The following MAP7D3 variants were observed in gnomAD, a reference collection of about 807,000 sequenced individuals.
MAP7D3 encodes MAP7 domain-containing protein 3.
MAP7D3 carries 45 observed loss-of-function variants against 62.2 expected under a neutral mutation model. The ratio of observed to expected loss-of-function variants is 0.72; its 90% confidence interval spans 0.57 to 0.93. The LOEUF (loss-of-function observed/expected upper bound fraction) is 0.93. Ranked by LOEUF, MAP7D3 falls within the 40% of genes least tolerant of loss-of-function variation. MAP7D3 has a pLI of 0.00. For synonymous variants in MAP7D3, 288 were observed against 248.8 expected (o/e 1.16, Z -1.48); for missense variants, 711 against 683.1 (o/e 1.04, Z -0.45).
At chrX:136,244,610 C>T in intron 4 of MAP7D3, 22 bp downstream of exon 4, 1 of 1,197,296 alleles carries the variant, frequency 8.4e-7, no homozygotes, top group Non-Finnish European at 1.1e-6. Context: ...TCCTCTCATG[C>T]ACAGGCTGCA....
At chrX:136,240,606 T>C (rs1311131966) in intron 5 of MAP7D3, 120 bp from the exon 6 acceptor site, 2 of 461,643 alleles carry the variant, frequency 4.3e-6, no homozygotes, top group Non-Finnish European at 7.5e-6. Context: ...TTACTCAAGT[T>C]CACAATATCA....
Position 136,231,854 on chromosome X carries a change from G to T in MAP7D3, c.1103C>A (p.Ala368Glu), listed in dbSNP as rs757982500. Reference protein sequence around the residue: ...MDASPELSIEALPKVDLETVP... With the variant: ...MDASPELSIEELPKVDLETVP... The stretch of plus-strand genomic sequence containing the variant: ...TGTTTCCAGGTCCACCTTCGGGAGT[G>T]CTTCTATGCTCAACTCGGGGGATGC... Residue 368 changes from alanine to glutamate, a missense_variant, in exon 8 of 19, where the codon GCA becomes GAA. Coordinates refer to ENST00000316077, the MANE Select transcript of MAP7D3 (RefSeq NM_024597.4). 2 of 1,211,732 alleles carry T rather than the reference G, an allele frequency of 1.7e-6. No homozygotes were observed. The highest frequency in any genetic ancestry group is 2.2e-6 in the Non-Finnish European group (2 of 895,483).
At chrX:136,255,291 T>A (rs935571619), upstream of MAP7D3, among the ~76,000 whole-genome samples, 7 of 112,455 alleles carry the variant, frequency 6.2e-5, 1 homozygote, top group Middle Eastern at 0.013. Flanking sequence ...ATTTCCAAAT[T>A]GCCTCATTTA....
rs2074430573 is a variant in MAP7D3 at position 136,244,892 on chromosome X, A to G, written c.254-97T>C. The G allele has an allele frequency of 2.0e-5, 12 of 599,472 alleles. No homozygotes were observed. In the South Asian group the frequency reaches 2.1e-4, roughly 11 times the overall value. 49.4% of individuals were successfully genotyped at this position (599,472 alleles called of 1,213,427 possible). The stretch of plus-strand genomic sequence containing the variant: ...CAGAAGGAAAAAGTTAACACATCTC[A>G]TTCACTTTCTTAAAATAACACAACC... On this transcript the variant is annotated intron_variant, in intron 3 of 18. Transcript: ENST00000316077.
downstream of MAP7D3, among the ~76,000 whole-genome samples, chrX:136,215,481 A>T (rs2074055338): frequency 8.9e-6 from 1 of 112,019 alleles, no homozygotes; most frequent in African/African-American, 3.3e-5. Flanking sequence ...CCCAGATGGG[A>T]CCGTCTAGTT....
rs113908214 is a variant in MAP7D3 at position 136,229,322 on chromosome X, T to C, written c.1751-564A>G. On this transcript the variant is annotated intron_variant, in intron 10 of 18. Transcript: ENST00000316077. ...AGGCATATGATGATATTTTGGTCTA[T>C]ATAACTACTAATTTATTTTAAATAA... 8.7e-4 allele frequency among the ~76,000 whole-genome samples: 97 copies of C among 111,577 alleles called. 1 individual carries two copies. The highest frequency in any genetic ancestry group is 2.9e-3 in the African/African-American group (88 of 30,725).
chrX:136,240,546 G>T, intron 5 of MAP7D3, 60 bp from the exon 6 acceptor site: 1 of 763,992 alleles, frequency 1.3e-6, no homozygotes, highest in Non-Finnish European at 2.0e-6. Context: ...ATCATTAACT[G>T]AAAAAAAAAT....
At chrX:136,222,188 G>A (rs1190729257) in intron 15 of MAP7D3, among the ~76,000 whole-genome samples, 1 of 112,275 alleles carries the variant, frequency 8.9e-6, no homozygotes, top group African/African-American at 3.2e-5. Flanking sequence ...GAGTTTATGT[G>A]TGAGACACTG....
rs1416543263 is a variant in MAP7D3, at chrX:136,231,643, C to A, written c.1314G>T (p.Met438Ile). 1.7e-6 allele frequency: 2 copies of A among 1,209,357 alleles called. No homozygotes were observed. Among genetic ancestry groups the A allele is most frequent in the Non-Finnish European group, 2.2e-6 (2 of 893,769 alleles). Residue 438 changes from methionine to isoleucine, a missense_variant, in exon 8 of 19, where the codon ATG (methionine) becomes ATT (isoleucine). By Grantham distance (10) the Met-to-Ile change is conservative (BLOSUM62 1). Coordinates refer to ENST00000316077, the MANE Select transcript of MAP7D3 (RefSeq NM_024597.4). ...ESVKGSPKESMEASPEAMVKA... is the reference protein window; with the variant it reads ...ESVKGSPKESIEASPEAMVKA... ...TCACCATCGCCTCAGGAGATGCCTC[C>A]ATGCTCTCCTTGGGTGACCCTTTCA...
intron 10 of MAP7D3, among the ~76,000 whole-genome samples, chrX:136,229,956 TG>T (rs1380348786): frequency 5.8e-3 from 246 of 42,135 alleles, no homozygotes; most frequent in African/African-American, 0.014. Flanking sequence ...TTTTTTTTTT[TG>T]TGTGTGTATA....
intron 1 of MAP7D3, among the ~76,000 whole-genome samples, chrX:136,246,665 C>G (rs1302150840): frequency 9.0e-6 from 1 of 111,645 alleles, no homozygotes; most frequent in East Asian, 2.8e-4. Flanking sequence ...ATGTCTCAAA[C>G]AAAACATTAC....
intron 10 of MAP7D3, chrX:136,229,091 ATGCTC>A: frequency 8.0e-6 from 1 of 125,703 alleles, no homozygotes. Context: ...AGACAAGCTT[ATGCTC>A]GGTCCAAACA....
intron 12 of MAP7D3, 134 bp from the exon 13 acceptor site, chrX:136,226,147 T>C: frequency 2.3e-6 from 1 of 439,564 alleles, no homozygotes; most frequent in Non-Finnish European, 3.8e-6. Flanking sequence ...TGAGGGTTCC[T>C]ATATCATGAT....
chrX:136,246,439 T>C (rs1350144371), intron 1 of MAP7D3, 98 bp from the exon 2 acceptor site: 2 of 536,067 alleles, frequency 3.7e-6, no homozygotes, highest in Admixed American at 3.1e-5. Flanking sequence ...TGATAAAGGA[T>C]AGGATCACTT....
At position 136,231,137 on chromosome X, in the gene MAP7D3, G is replaced by A. The variant is rs762692506; in HGVS notation, c.1414-171C>T. ...AATCAGGACATTGATATTTGCTTCT[G>A]GACTAACAATTTACATTACACAATT... is the stretch of plus-strand genomic sequence containing the variant. On this transcript the variant is annotated intron_variant, in intron 8 of 18. Transcript: ENST00000316077. The A allele has an allele frequency of 2.5e-5, 9 of 354,190 alleles. No individual in the cohort carries two copies. The East Asian group carries it at 3.5e-4, about 14-fold the overall frequency. 29.2% of individuals were successfully genotyped at this position (354,190 alleles called of 1,213,427 possible).
Position 136,230,502 on chromosome X carries a change from T to C in MAP7D3, c.1633A>G (p.Ile545Val). Reference sequence around the variant, plus strand: ...CTTTGCACAGACAGGGTGTGTTGAATAGGCATTATTTTATAAGGAAAAGAA... The same window carrying C: ...CTTTGCACAGACAGGGTGTGTTGAACAGGCATTATTTTATAAGGAAAAGAA... ...QTSFPYKIMP[I>V]QHTLSVQSAS... The change falls in exon 10 of 19, where the codon ATT becomes GTT. Residue 545 changes from isoleucine to valine, a missense_variant. Coordinates refer to ENST00000316077, the MANE Select transcript of MAP7D3 (RefSeq NM_024597.4). The C allele has an allele frequency of 8.4e-7, 1 of 1,185,266 alleles. No homozygotes were observed. The highest frequency in any genetic ancestry group is 1.1e-6 in the Non-Finnish European group (1 of 871,310).
Position 136,230,427 on chromosome X carries a change from T to C in MAP7D3, c.1708A>G (p.Asn570Asp), listed in dbSNP as rs1266277412. Residue 570 changes from asparagine (N) to aspartate (D), a missense_variant, in exon 10 of 19, where the codon AAC becomes GAC. Coordinates refer to ENST00000316077, the MANE Select transcript of MAP7D3 (RefSeq NM_024597.4). Reference protein sequence around the residue: ...KKKETVSKTTNRCEALSQRHM... With the variant: ...KKKETVSKTTDRCEALSQRHM... ...CTTTGGCTCAAAGCCTCACATCTGT[T>C]AGTGGTTTTAGAAACTGTTTCTTTT... 8.3e-7 allele frequency: 1 copy of C among 1,202,612 alleles called. No homozygotes were observed. The highest frequency in any genetic ancestry group is 1.1e-6 in the Non-Finnish European group (1 of 888,692).
Position 136,232,009 on chromosome X carries a change from G to A in MAP7D3, c.948C>T (p.Asn316=). ...PPQVNVEVFC[N]TSMEASPKAG... is the part of the protein sequence containing the mutation. Reference sequence around the variant, plus strand: ...CCTTGGGGGACGCTTCCATGCTTGTGTTGCAGAATACTTCCACATTCACCT... The same window carrying A: ...CCTTGGGGGACGCTTCCATGCTTGTATTGCAGAATACTTCCACATTCACCT... The change falls in exon 8 of 19, where the codon AAC becomes AAT. Residue 316 remains asparagine, a synonymous_variant. Transcript: ENST00000316077. The A allele has an allele frequency of 8.3e-7, 1 of 1,210,957 alleles. No homozygotes were observed. Among genetic ancestry groups the A allele is most frequent in the East Asian group, 3.0e-5 (1 of 33,819 alleles).
chrX:136,233,434 C>T (rs941920203), intron 7 of MAP7D3, among the ~76,000 whole-genome samples: 3 of 107,242 alleles, frequency 2.8e-5, no homozygotes, highest in Admixed American at 2.0e-4. Flanking sequence ...GCCACCACAC[C>T]CGGAAAATTT....
Sources: gnomAD v4.1 joint callset for allele counts (sites outside exome capture counted in the v4.1 genomes callset) on GRCh38, gnomAD v4.1.1 for gene constraint, MANE v1.5 for transcripts, NCBI Gene and HGNC (gene_info 2026-07-23, HGNC 2026-07-21) for gene names.